Variants in RAB5C observed in about 807,000 individuals in gnomAD.
RAB5C encodes the protein ras-related protein Rab-5C.
RAB5C carries 4 observed loss-of-function variants against 25.2 expected under a neutral mutation model. That is an observed-to-expected ratio of 0.16 (90% CI 0.08 to 0.36). The LOEUF is 0.36. Among genes scored for constraint, RAB5C ranks in the 10% least tolerant of loss-of-function variants. RAB5C has a pLI of 1.00. For missense variants in RAB5C, 199 were observed against 283.8 expected (o/e 0.70, Z 2.15); for synonymous variants, 100 against 106.4 (o/e 0.94, Z 0.37).
Position 42,130,580 on chromosome 17 carries a change from G to A in RAB5C, c.-78C>T, listed in dbSNP as rs779213765. The A allele has an allele frequency of 6.3e-7, 1 of 1,583,998 alleles. No homozygotes were observed. On this transcript the variant is annotated 5_prime_UTR_variant, in exon 2 of 6. Coordinates refer to ENST00000346213, the MANE Select transcript of RAB5C (RefSeq NM_004583.4). ...TGCAAAGAGGCACTTAGTGGGGAGG[G>A]GGACCTCCAACTGTAAGGGAGAAAT...
At chr17:42,152,273 T>G (rs1413476060) in intron 1 of RAB5C, among the ~76,000 whole-genome samples, 1 of 152,162 alleles carries the variant, frequency 6.6e-6, no homozygotes, top group Non-Finnish European at 1.5e-5. Context: ...CTCTACAGTT[T>G]AACAGCCCTC....
chr17:42,128,277 C>G lies in RAB5C; in HGVS notation c.425G>C (p.Arg142Thr), dbSNP rs762480697. ...TCTCCCCACCTGGAATTCCACGGCT[C>G]TCTTGCTGGCCAGGTCTGCCTTGTT... ...AGNKADLASK[R>T]AVEFQEAQAY... Residue 142 changes from arginine to threonine, a missense_variant, in exon 4 of 6, where the codon AGA becomes ACA. Around this residue, in one of 3 missense-constraint regions of RAB5C, gnomAD observed 154 missense variants for 199.6 expected, o/e 0.77. Transcript: ENST00000346213. The G allele has an allele frequency of 1.2e-6, 2 of 1,613,660 alleles. No individual in the cohort carries two copies. The highest frequency in any genetic ancestry group is 2.2e-5 in the East Asian group (1 of 44,846).
At chr17:42,133,150 C>A (rs749079616) in intron 1 of RAB5C, among the ~76,000 whole-genome samples, 1 of 152,140 alleles carries the variant, frequency 6.6e-6, no homozygotes, top group African/African-American at 2.4e-5. Context: ...CCAGGCAGGG[C>A]GACAGCAACA....
intron 2 of RAB5C, 29 bp downstream of exon 2, chr17:42,130,308 C>A: frequency 6.4e-7 from 1 of 1,568,482 alleles, no homozygotes. Context: ...ACCTTCAGGC[C>A]CCTCCCCGAC....
intron 4 of RAB5C, 52 bp from the exon 5 acceptor site, chr17:42,126,900 A>AG (rs1568017777): frequency 9.0e-7 from 1 of 1,108,084 alleles, no homozygotes; most frequent in Non-Finnish European, 1.4e-6. Flanking sequence ...GGCAGGGGCC[A>AG]GGGCCCAGGG....
chr17:42,131,483 T>C (rs1418353585), intron 1 of RAB5C: 2 of 909,520 alleles, frequency 2.2e-6, no homozygotes, highest in Non-Finnish European at 3.4e-6. Context: ...CACACAGAAA[T>C]ACACACCAAA....
At chr17:42,142,968 G>A (rs948310857) in intron 1 of RAB5C, among the ~76,000 whole-genome samples, 1 of 152,148 alleles carries the variant, frequency 6.6e-6, no homozygotes. Flanking sequence ...AATAGAGAAC[G>A]ATTATATACA....
chr17:42,143,296 G>A (rs1052462986), intron 1 of RAB5C, among the ~76,000 whole-genome samples: 2 of 152,194 alleles, frequency 1.3e-5, no homozygotes, highest in African/African-American at 4.8e-5. Context: ...AAAAGGCAGT[G>A]GCCTTGGAGA....
chr17:42,143,556 G>C (rs1481875639), intron 1 of RAB5C, among the ~76,000 whole-genome samples: 2 of 152,144 alleles, frequency 1.3e-5, no homozygotes, highest in Non-Finnish European at 2.9e-5. Flanking sequence ...AGAATTGCAT[G>C]AATCTGGGAG....
chr17:42,130,278 G>A, intron 2 of RAB5C, 59 bp downstream of exon 2: 2 of 1,546,020 alleles, frequency 1.3e-6, no homozygotes, highest in Non-Finnish European at 1.8e-6. Context: ...TCTCCTCAAG[G>A]TCAAAGCATT....
intron 1 of RAB5C, among the ~76,000 whole-genome samples, chr17:42,140,751 C>T (rs549077825): frequency 1.3e-5 from 2 of 152,074 alleles, no homozygotes; most frequent in South Asian, 4.1e-4. Flanking sequence ...GTCTCGAACT[C>T]CTAACCTCAG....
At chr17:42,145,418 C>T (rs2079629874) in intron 1 of RAB5C, among the ~76,000 whole-genome samples, 1 of 152,140 alleles carries the variant, frequency 6.6e-6, no homozygotes, top group Non-Finnish European at 1.5e-5. Flanking sequence ...ATTGTATGTA[C>T]CCTTGACATG....
intron 1 of RAB5C, among the ~76,000 whole-genome samples, chr17:42,140,383 C>T (rs1453958610): frequency 3.3e-5 from 5 of 150,424 alleles, no homozygotes; most frequent in Non-Finnish European, 3.0e-5. Context: ...CCGTGGTCAG[C>T]GGCTATGCAA....
At chr17:42,150,917 A>C (rs970455960) in intron 1 of RAB5C, among the ~76,000 whole-genome samples, 1 of 152,096 alleles carries the variant, frequency 6.6e-6, no homozygotes, top group Non-Finnish European at 1.5e-5. Flanking sequence ...GTGGGCATCC[A>C]GTCTGCCAGC....
intron 1 of RAB5C, among the ~76,000 whole-genome samples, chr17:42,145,230 A>G (rs1387437241): frequency 6.6e-6 from 1 of 152,154 alleles, no homozygotes; most frequent in Non-Finnish European, 1.5e-5. Flanking sequence ...TCCGCCCTCA[A>G]CAAGGGGAAC....
chr17:42,129,059 A>G (rs777748524), intron 2 of RAB5C, among the ~76,000 whole-genome samples: 7 of 152,052 alleles, frequency 4.6e-5, no homozygotes, highest in Non-Finnish European at 1.0e-4. Context: ...GCATGCACTG[A>G]GCCATCTCAG....
At chr17:42,140,985 T>G (rs916284582) in intron 1 of RAB5C, among the ~76,000 whole-genome samples, 3 of 151,986 alleles carry the variant, frequency 2.0e-5, no homozygotes, top group African/African-American at 4.8e-5. Context: ...CATGCCACCA[T>G]GCCCAGCTAA....
intron 1 of RAB5C, chr17:42,131,479 G>T (rs917542999): frequency 1.1e-6 from 1 of 890,884 alleles, no homozygotes; most frequent in Non-Finnish European, 1.7e-6. Flanking sequence ...CACACACACA[G>T]AAATACACAC....
intron 1 of RAB5C, among the ~76,000 whole-genome samples, chr17:42,149,762 T>A (rs983331889): frequency 1.3e-5 from 2 of 152,120 alleles, no homozygotes; most frequent in Non-Finnish European, 2.9e-5. Flanking sequence ...ATCAATTCTG[T>A]TCAATGTCTA....
Sources: gnomAD v4.1 joint callset for allele counts (sites outside exome capture counted in the v4.1 genomes callset) on GRCh38, gnomAD v4.1.1 for gene constraint, gnomAD v4.1.1 regional missense constraint, MANE v1.5 for transcripts, NCBI Gene and HGNC (gene_info 2026-07-23, HGNC 2026-07-21) for gene names.